Variants in CASP10 observed in about 807,000 individuals in gnomAD.
CASP10 encodes caspase 10.
Under a neutral mutation model 48.5 loss-of-function variants are expected in CASP10, and 41 were observed. That is an observed-to-expected ratio of 0.85 (90% CI 0.66 to 1.10). The LOEUF (loss-of-function observed/expected upper bound fraction) is 1.10, where lower values mean the gene tolerates loss of function less well. CASP10 is among the 50% of genes least tolerant of loss of function. The pLI is 0.00. For missense variants in CASP10, 614 were observed against 614.5 expected (o/e 1.00, Z 0.01); for synonymous variants, 232 against 238.4 (o/e 0.97, Z 0.25).
chr2:201,201,998 G>A (rs369150768), intron 5 of CASP10, among the ~76,000 whole-genome samples: 12 of 152,098 alleles, frequency 7.9e-5, no homozygotes, highest in South Asian at 4.2e-4. Context: ...TTACAGGCAC[G>A]TGCCACCGCA....
chr2:201,206,099 G>A (rs1945196116), intron 7 of CASP10, 126 bp downstream of exon 7: 2 of 631,306 alleles, frequency 3.2e-6, no homozygotes, highest in Admixed American at 5.5e-5. Flanking sequence ...AGGGCTCCGA[G>A]CTGTTTGTTT....
intron 6 of CASP10, among the ~76,000 whole-genome samples, chr2:201,204,291 A>G (rs143151717): frequency 1.3e-5 from 2 of 152,332 alleles, no homozygotes; most frequent in Admixed American, 1.3e-4. Context: ...CTGCTTATGA[A>G]CAAACAGGCT....
intron 5 of CASP10, chr2:201,200,836 G>GA: frequency 1.3e-6 from 1 of 759,892 alleles, no homozygotes; most frequent in Non-Finnish European, 1.6e-6. Flanking sequence ...CTTTTCTCTA[G>GA]GAAAATAGCC....
downstream of CASP10, among the ~76,000 whole-genome samples, chr2:201,226,114 A>C (rs545481065): frequency 2.0e-5 from 3 of 152,364 alleles, no homozygotes; most frequent in African/African-American, 7.2e-5. Context: ...AATCCAACCT[A>C]GATGGGCAAA....
Position 201,209,426 on chromosome 2 carries a change from C to A in CASP10, c.1279C>A (p.Gln427Lys). Residue 427 changes from glutamine to lysine, a missense_variant, in exon 9 of 10, where the codon CAG (glutamine) becomes AAG (lysine). Transcript: ENST00000286186. Reference sequence around the variant, plus strand: ...CCCTGAGCAGGCACCCACTTCCCTGCAGGACAGTATTCCTGCCGAGGCTGA... The same window carrying A: ...CCCTGAGCAGGCACCCACTTCCCTGAAGGACAGTATTCCTGCCGAGGCTGA... The part of the protein sequence containing the change: ...LNPEQAPTSL[Q>K]DSIPAEADFL... 1 of 1,614,186 alleles carries A rather than the reference C, an allele frequency of 6.2e-7. No homozygotes were observed. The highest frequency in any genetic ancestry group is 8.5e-7 in the Non-Finnish European group (1 of 1,180,028).
Position 201,218,762 on chromosome 2 carries a change from C to T in CASP10, c.*1021C>T. On this transcript the variant is annotated 3_prime_UTR_variant, in exon 10 of 10. Coordinates refer to ENST00000286186, the MANE Select transcript of CASP10 (RefSeq NM_032977.4). ...GGACAGTGAGGTCACAGTCCACCCA[C>T]CCTCTCTCTGATCTCCCCCTTCCTA... The T allele has an allele frequency of 1.0e-6, 1 of 985,524 alleles. No individual in the cohort carries two copies. Among genetic ancestry groups the T allele is most frequent in the Non-Finnish European group, 1.2e-6 (1 of 830,002 alleles). 61.0% of individuals were successfully genotyped at this position (985,524 alleles called of 1,614,324 possible).
At chr2:201,205,155 A>G (rs72932817) in intron 6 of CASP10, among the ~76,000 whole-genome samples, 7,256 of 152,214 alleles carry the variant, frequency 0.048, 212 homozygotes, top group Middle Eastern at 0.094. Flanking sequence ...GGAACACTTC[A>G]AAGCAGTGTG....
At chr2:201,216,313 G>A (rs1364228759) in intron 9 of CASP10, among the ~76,000 whole-genome samples, 1 of 151,982 alleles carries the variant, frequency 6.6e-6, no homozygotes, top group African/African-American at 2.4e-5. Flanking sequence ...AGGCTGTAGT[G>A]AACTACAATC....
At chr2:201,192,749 C>G (rs1377898170) in intron 3 of CASP10, among the ~76,000 whole-genome samples, 5 of 152,124 alleles carry the variant, frequency 3.3e-5, no homozygotes, top group African/African-American at 4.8e-5. Flanking sequence ...ATACAGCAAG[C>G]ACTGTCCCTG....
chr2:201,200,687 G>A, intron 5 of CASP10: 2 of 1,361,584 alleles, frequency 1.5e-6, no homozygotes, highest in Non-Finnish European at 1.9e-6. Context: ...GTGATCTTAA[G>A]AGATTAAGTA....
chr2:201,220,244 G>A lies in CASP10; in HGVS notation c.*2503G>A. 1.5e-6 allele frequency: 1 copy of A among 683,260 alleles called. No individual in the cohort carries two copies. Among genetic ancestry groups the A allele is most frequent in the Admixed American group, 6.3e-5 (1 of 15,872 alleles). The allele number at this position is 683,260 out of a possible 1,614,324, so 42.3% of individuals were successfully genotyped here. Reference sequence around the variant, plus strand: ...CCCTTTCTAGCCTCATGCATTTCAAGGAAATCACTTCTTTTCTAACAGCGA... The same window carrying A: ...CCCTTTCTAGCCTCATGCATTTCAAAGAAATCACTTCTTTTCTAACAGCGA... On this transcript the variant is annotated 3_prime_UTR_variant, in exon 10 of 10. Transcript: ENST00000286186.
At chr2:201,227,491 A>G (rs1287040669) in intron 9 of CASP10, among the ~76,000 whole-genome samples, 1 of 152,206 alleles carries the variant, frequency 6.6e-6, no homozygotes, top group Non-Finnish European at 1.5e-5. Context: ...CAAGCTGCAG[A>G]TGGGAAACTC....
At chr2:201,215,285 G>T (rs1205552078) in intron 9 of CASP10, among the ~76,000 whole-genome samples, 2 of 68,032 alleles carry the variant, frequency 2.9e-5, no homozygotes, top group Non-Finnish European at 5.8e-5. Context: ...GTCTATTTTT[G>T]CTTTTGTTGT....
At chr2:201,214,962 G>A (rs1378816940) in intron 9 of CASP10, 2 of 152,020 alleles carry the variant, frequency 1.3e-5, no homozygotes, top group African/African-American at 2.4e-5. Flanking sequence ...TGGTAAGTAT[G>A]TTCTATCATA....
Position 201,221,106 on chromosome 2 carries a change from A to C in CASP10, c.*3365A>C. ...GTAGGGTCTTCCGGTTGTAACTGCA[A>C]CAGAAATAGCAGGACTTAAGTTCCT... On this transcript the variant is annotated 3_prime_UTR_variant, in exon 10 of 10. Transcript: ENST00000286186. 1 of 985,458 alleles carries C rather than the reference A, an allele frequency of 1.0e-6. No homozygotes were observed. The highest frequency in any genetic ancestry group is 4.7e-5 in the South Asian group (1 of 21,288). 61.0% of individuals were successfully genotyped at this position (985,458 alleles called of 1,614,324 possible).
chr2:201,188,044 G>GC (rs1252593284), intron 3 of CASP10, among the ~76,000 whole-genome samples: 4 of 152,246 alleles, frequency 2.6e-5, no homozygotes, highest in African/African-American at 7.2e-5. Flanking sequence ...AAAATTGTGG[G>GC]CAATCGTATG....
downstream of CASP10, among the ~76,000 whole-genome samples, chr2:201,224,570 T>C (rs981122707): frequency 3.3e-5 from 5 of 152,208 alleles, no homozygotes; most frequent in Admixed American, 6.5e-5. Flanking sequence ...CCCAGTTCTG[T>C]CCACTGTATA....
rs1255269132 is a variant in CASP10, at chr2:201,205,908, A to G, written c.748A>G (p.Ser250Gly). 6.2e-7 allele frequency: 1 copy of G among 1,612,836 alleles called. No individual in the cohort carries two copies. Among genetic ancestry groups the G allele is most frequent in the Non-Finnish European group, 8.5e-7 (1 of 1,178,826 alleles). Residue 250 changes from serine to glycine, a missense_variant, in exon 7 of 10, where the codon AGC becomes GGC. Ser to Gly is a moderately conservative substitution (Grantham distance 56). Coordinates refer to ENST00000286186, the MANE Select transcript of CASP10 (RefSeq NM_032977.4). Reference sequence around the variant, plus strand: ...TAACAGAGCCACAAATGGTGCACCAAGCCTGGTCTCCAGGGGGATGCAAGG... The same window carrying G: ...TAACAGAGCCACAAATGGTGCACCAGGCCTGGTCTCCAGGGGGATGCAAGG... ...NGNRATNGAP[S>G]LVSRGMQGAS... is the part of the protein sequence containing the mutation.
chr2:201,224,363 T>C (rs968711328), downstream of CASP10, among the ~76,000 whole-genome samples: 2 of 152,236 alleles, frequency 1.3e-5, no homozygotes, highest in African/African-American at 2.4e-5. Flanking sequence ...ATTTACTTAT[T>C]TGGCAATGCA....
Sources: gnomAD v4.1 joint callset for allele counts (sites outside exome capture counted in the v4.1 genomes callset) on GRCh38, gnomAD v4.1.1 for gene constraint, MANE v1.5 for transcripts, NCBI Gene and HGNC (gene_info 2026-07-23, HGNC 2026-07-21) for gene names.